Variants in TMPRSS7 observed in about 807,000 individuals in gnomAD.
TMPRSS7 encodes the protein transmembrane serine protease 7, also known as transmembrane protease serine 7.
In TMPRSS7, 81 loss-of-function variants were observed where a neutral mutation model predicts 95.6. That is an observed-to-expected ratio of 0.85 (90% confidence interval 0.71 to 1.02). The LOEUF is 1.02. TMPRSS7 is among the 50% of genes least tolerant of loss of function. TMPRSS7 has a pLI of 0.00. For synonymous variants in TMPRSS7, 364 were observed against 337.8 expected (o/e 1.08, Z -0.85); for missense variants, 945 against 955.2 (o/e 0.99, Z 0.14).
chr3:112,067,238 G>A (rs1486826305), intron 13 of TMPRSS7, among the ~76,000 whole-genome samples: 8 of 152,258 alleles, frequency 5.3e-5, no homozygotes, highest in Middle Eastern at 3.4e-3. Flanking sequence ...ATTGATGGAC[G>A]TTTGGGTTGG....
At position 112,038,218 on chromosome 3, in the gene TMPRSS7, GA is replaced by G. The variant is rs1313994154; in HGVS notation, c.201del (p.Val68PhefsTer20). 35 of 702,616 alleles carry G rather than the reference GA, an allele frequency of 5.0e-5. No homozygotes were observed. The highest frequency in any genetic ancestry group is 8.8e-5 in the Non-Finnish European group (34 of 384,920). 43.5% of individuals were successfully genotyped at this position (702,616 alleles called of 1,614,324 possible). On this transcript the variant is annotated frameshift_variant, in exon 2 of 18. Transcript: ENST00000452346. LOFTEE classifies it high-confidence loss of function. Reference sequence around the variant, plus strand: ...AAGCCAAACCCAAGAAGCAATCCAAGAAAAAAGTTCCCTTTTGGAATGTACA... The same window carrying G: ...AAGCCAAACCCAAGAAGCAATCCAAGAAAAAGTTCCCTTTTGGAATGTACA...
At chr3:112,074,075 T>C (rs2073684484) in intron 13 of TMPRSS7, among the ~76,000 whole-genome samples, 1 of 152,246 alleles carries the variant, frequency 6.6e-6, no homozygotes, top group South Asian at 2.1e-4. Flanking sequence ...GGATTGATTC[T>C]CAACAAATAT....
At chr3:112,056,941 G>A (rs1226215141) in intron 9 of TMPRSS7, 84 bp from the exon 10 acceptor site, 5 of 923,674 alleles carry the variant, frequency 5.4e-6, no homozygotes, top group African/African-American at 3.3e-5. Context: ...AAGTAGAATG[G>A]CCTTAAAACA....
At chr3:112,038,800 G>A (rs1239124346) in intron 2 of TMPRSS7, among the ~76,000 whole-genome samples, 1 of 152,084 alleles carries the variant, frequency 6.6e-6, no homozygotes, top group East Asian at 1.9e-4. Flanking sequence ...ATATTTTAAG[G>A]AGACATAAGC....
chr3:112,034,837 C>T (rs772442013), upstream of TMPRSS7: 27 of 702,680 alleles, frequency 3.8e-5, no homozygotes, highest in Admixed American at 3.4e-4. Flanking sequence ...ACACACAAAA[C>T]GCCTAATAAT....
intron 9 of TMPRSS7, among the ~76,000 whole-genome samples, chr3:112,051,660 C>CTAT (rs746280984): frequency 2.9e-5 from 3 of 103,696 alleles, no homozygotes; most frequent in South Asian, 3.4e-4. Flanking sequence ...ATCTATCTAT[C>CTAT]TATCTATCAT....
chr3:112,060,852 T>G (rs190943611), intron 10 of TMPRSS7, among the ~76,000 whole-genome samples: 2 of 152,110 alleles, frequency 1.3e-5, no homozygotes, highest in Admixed American at 1.3e-4. Context: ...TAAGTGTCCA[T>G]GAAATCTTCA....
At chr3:112,035,027 A>G in intron 1 of TMPRSS7, 134 bp downstream of exon 1, 1 of 623,290 alleles carries the variant, frequency 1.6e-6, no homozygotes. Flanking sequence ...ATGGTAATTA[A>G]TGGGTTTTAC....
Position 112,050,772 on chromosome 3 carries a change from TG to T in TMPRSS7, c.1194del (p.Trp398Ter). On this transcript the variant is annotated frameshift_variant, in exon 9 of 18. Coordinates refer to ENST00000452346, the Ensembl canonical transcript of TMPRSS7. LOFTEE classifies it high-confidence loss of function. ...CTATCCTCCAAAATGCAAGTGTACCTGGAAATTTCAGGTAGCCTAGTTCTAC... is the reference window on the plus strand; with the variant it reads ...CTATCCTCCAAAATGCAAGTGTACCTGAAATTTCAGGTAGCCTAGTTCTAC... The T allele has an allele frequency of 6.3e-7, 1 of 1,593,580 alleles. No individual in the cohort carries two copies. The highest frequency in any genetic ancestry group is 8.5e-7 in the Non-Finnish European group (1 of 1,170,352).
chr3:112,042,155 G>A, intron 3 of TMPRSS7, 105 bp downstream of exon 3: 1 of 855,570 alleles, frequency 1.2e-6, no homozygotes. Context: ...AGGGTTTAGG[G>A]AAGTAGAGGG....
intron 13 of TMPRSS7, among the ~76,000 whole-genome samples, chr3:112,069,485 T>C (rs751577131): frequency 2.0e-5 from 3 of 152,232 alleles, no homozygotes; most frequent in Non-Finnish European, 4.4e-5. Context: ...GGCTATTAAG[T>C]ATTGCCTCAA....
chr3:112,068,675 A>G (rs1043510809), intron 13 of TMPRSS7, among the ~76,000 whole-genome samples: 1 of 152,082 alleles, frequency 6.6e-6, no homozygotes, highest in African/African-American at 2.4e-5. Flanking sequence ...CATTGATTTT[A>G]TATCCTGAGA....
At chr3:112,055,101 G>C (rs532911607) in intron 9 of TMPRSS7, among the ~76,000 whole-genome samples, 8 of 152,114 alleles carry the variant, frequency 5.3e-5, no homozygotes, top group African/African-American at 1.9e-4. Context: ...AAATTGATAT[G>C]TGTTCTTATG....
At chr3:112,057,202 C>A in intron 10 of TMPRSS7, 71 bp downstream of exon 10, 2 of 1,149,642 alleles carry the variant, frequency 1.7e-6, no homozygotes, top group South Asian at 2.8e-5. Context: ...GTTCCTTGTC[C>A]TCAAAGAGTT....
chr3:112,038,833 T>C (rs1455940041), intron 2 of TMPRSS7, among the ~76,000 whole-genome samples: 2 of 146,166 alleles, frequency 1.4e-5, no homozygotes, highest in Non-Finnish European at 3.0e-5. Flanking sequence ...TCTCATTTCT[T>C]TTTTTTTTTT....
intron 2 of TMPRSS7, among the ~76,000 whole-genome samples, chr3:112,040,543 T>C (rs1028979402): frequency 3.9e-5 from 6 of 152,174 alleles, no homozygotes; most frequent in Middle Eastern, 3.4e-3. Context: ...AGGAAACTGG[T>C]GGGGAAGTCA....
At chr3:112,074,225 T>G in intron 13 of TMPRSS7, 71 bp from the exon 14 acceptor site, 5 of 1,050,420 alleles carry the variant, frequency 4.8e-6, no homozygotes, top group Non-Finnish European at 7.4e-6. Flanking sequence ...TTGGAGTTAT[T>G]CATTCAAATC....
chr3:112,047,202 C>A (rs749871158), intron 6 of TMPRSS7, among the ~76,000 whole-genome samples, 190 bp downstream of exon 6: 1 of 152,080 alleles, frequency 6.6e-6, no homozygotes, highest in Non-Finnish European at 1.5e-5. Context: ...AGTGTGCTGG[C>A]GTTAGTTATG....
intron 2 of TMPRSS7, 110 bp from the exon 3 acceptor site, chr3:112,041,810 C>A: frequency 1.4e-6 from 1 of 696,494 alleles, no homozygotes; most frequent in Non-Finnish European, 2.5e-6. Context: ...TAGTATGTAG[C>A]TGCCTAAAAT....
Sources: gnomAD v4.1 joint callset for allele counts (sites outside exome capture counted in the v4.1 genomes callset) on GRCh38, gnomAD v4.1.1 for gene constraint, MANE v1.5 for transcripts, NCBI Gene and HGNC (gene_info 2026-07-23, HGNC 2026-07-21) for gene names.